The following BAIAP2 variants were observed in gnomAD, a reference collection of about 807,000 sequenced individuals.
BAIAP2 encodes BAR/IMD domain containing adaptor protein 2, also known as BAR/IMD domain-containing adapter protein 2.
BAIAP2 carries 18 observed loss-of-function variants against 63.0 expected under a neutral mutation model. The observed-to-expected ratio is 0.29, with a 90% confidence interval of 0.20 to 0.42. The LOEUF is 0.42. BAIAP2 is among the 10% of genes least tolerant of loss of function. The pLI, the probability that BAIAP2 is intolerant of heterozygous loss-of-function variation, is 1.00. For missense variants in BAIAP2, 610 were observed against 734.3 expected, an observed-to-expected ratio of 0.83 and a Z score of 1.96; for synonymous variants, 386 against 307.6, an observed-to-expected ratio of 1.25 and a Z score of -2.67.
At position 81,117,128 on chromosome 17, in the gene BAIAP2, G is replaced by C. The variant is rs2060569948; in HGVS notation, c.*1289G>C. The C allele has an allele frequency of 6.6e-6, 1 of 152,260 alleles. No individual in the cohort carries two copies. Among genetic ancestry groups the C allele is most frequent in the Non-Finnish European group, 1.5e-5 (1 of 68,070 alleles). The allele number at this position is 152,260 out of a possible 1,614,324, so 9.4% of individuals were successfully genotyped here. The stretch of plus-strand genomic sequence containing the variant: ...TACCCCTGCGCCCCCACACACAGTA[G>C]GGCCAGAACACCATCCCCTCCACCG... On this transcript the variant is annotated 3_prime_UTR_variant, in exon 14 of 14. Coordinates refer to ENST00000428708, the MANE Select transcript of BAIAP2 (RefSeq NM_001144888.2).
intron 6 of BAIAP2, among the ~76,000 whole-genome samples, chr17:81,095,483 G>T (rs2057466911): frequency 6.6e-6 from 1 of 152,190 alleles, no homozygotes; most frequent in Non-Finnish European, 1.5e-5. Context: ...TACAGTCGTG[G>T]CCTCTCTGTA....
chr17:81,113,849 ACTTT>A (rs1470041510), intron 13 of BAIAP2, among the ~76,000 whole-genome samples: 2 of 151,888 alleles, frequency 1.3e-5, no homozygotes, highest in African/African-American at 4.8e-5. Context: ...TTTGCCACTG[ACTTT>A]CTGATGAGAA....
chr17:81,065,660 C>A (rs527831270), intron 3 of BAIAP2, among the ~76,000 whole-genome samples: 5 of 152,244 alleles, frequency 3.3e-5, no homozygotes, highest in Non-Finnish European at 7.3e-5. Flanking sequence ...CTCGCTCCCC[C>A]ACCCGAGGCT....
At chr17:81,062,819 T>C (rs967594212) in intron 3 of BAIAP2, among the ~76,000 whole-genome samples, 14 of 152,172 alleles carry the variant, frequency 9.2e-5, no homozygotes, top group African/African-American at 3.1e-4. Flanking sequence ...ATGCTCTGTG[T>C]TCAGAGTCTG....
At chr17:81,085,553 C>A in intron 4 of BAIAP2, 101 bp from the exon 5 acceptor site, 1 of 966,882 alleles carries the variant, frequency 1.0e-6, no homozygotes, top group Non-Finnish European at 1.6e-6. Context: ...ACAGCCGGGA[C>A]ACCCGGTGTC....
At chr17:81,076,353 A>G (rs1273985309) in intron 3 of BAIAP2, 1 of 152,202 alleles carries the variant, frequency 6.6e-6, no homozygotes, top group Non-Finnish European at 1.5e-5. Context: ...GGCCCCGTCT[A>G]GGTTGTGGAG....
chr17:81,104,348 C>T (rs978428653), intron 9 of BAIAP2, among the ~76,000 whole-genome samples, 166 bp from the exon 10 acceptor site: 1 of 152,220 alleles, frequency 6.6e-6, no homozygotes, highest in African/African-American at 2.4e-5. Context: ...CTCATGCAGG[C>T]AGCAGCCACT....
chr17:81,104,415 G>C, intron 9 of BAIAP2, 99 bp from the exon 10 acceptor site: 1 of 1,327,096 alleles, frequency 7.5e-7, no homozygotes, highest in Non-Finnish European at 1.0e-6. Flanking sequence ...CCCACCTGGG[G>C]CACAGGCGGC....
intron 3 of BAIAP2, among the ~76,000 whole-genome samples, chr17:81,076,771 C>G (rs1471493014): frequency 2.6e-5 from 4 of 152,082 alleles, no homozygotes; most frequent in African/African-American, 9.7e-5. Flanking sequence ...GAGTTCAAGA[C>G]CAGCCTGGGC....
rs562045202 is a variant in BAIAP2, at chr17:81,106,066, C to T, written c.1269-12C>T. ...GGCTGAGCGTGGCTCTTACCTGGGG[C>T]CTCTCTTCCAGGCGGGGCTGGTTTC... On this transcript the variant is annotated splice_polypyrimidine_tract_variant and intron_variant, in intron 10 of 13. Transcript: ENST00000428708. 3.2e-6 allele frequency: 5 copies of T among 1,568,652 alleles called. No individual in the cohort carries two copies. The East Asian group carries it at 7.0e-5, about 22-fold the overall frequency.
intron 1 of BAIAP2, chr17:81,036,877 G>C: frequency 6.5e-7 from 1 of 1,535,930 alleles, no homozygotes; most frequent in East Asian, 2.4e-5. Context: ...TGGAAGAGAA[G>C]TACCAGCGGA....
chr17:81,056,902 C>T (rs1267569655), intron 2 of BAIAP2, among the ~76,000 whole-genome samples: 2 of 152,092 alleles, frequency 1.3e-5, no homozygotes, highest in Admixed American at 6.6e-5. Flanking sequence ...TCTGCTGTTG[C>T]GTTTTTCTGC....
At chr17:81,079,039 T>C (rs1386179530) in intron 3 of BAIAP2, among the ~76,000 whole-genome samples, 1 of 152,108 alleles carries the variant, frequency 6.6e-6, no homozygotes, top group Non-Finnish European at 1.5e-5. Context: ...CTGCTGGGAT[T>C]CCAGAAAGGA....
chr17:81,046,341 C>T lies in BAIAP2; in HGVS notation c.55-7327C>T, dbSNP rs2047802608. On this transcript the variant is annotated intron_variant, in intron 1 of 13. Coordinates refer to ENST00000428708, the MANE Select transcript of BAIAP2 (RefSeq NM_001144888.2). The surrounding 1 kb of genome is among the most constrained non-coding windows in gnomAD (Gnocchi z 4.5). ...CAAGTAAGATGCAGTTCAAGATCTG[C>T]CTCCTCCAGGCAGCCCTCCCAGCTG... 6.6e-6 allele frequency among the ~76,000 whole-genome samples: 1 copy of T among 152,138 alleles called. No individual in the cohort carries two copies. The highest frequency in any genetic ancestry group is 2.1e-4 in the South Asian group (1 of 4,836).
chr17:81,096,500 G>A (rs191994284), intron 6 of BAIAP2, among the ~76,000 whole-genome samples: 13 of 152,368 alleles, frequency 8.5e-5, no homozygotes, highest in South Asian at 2.1e-4. Flanking sequence ...CGGGAGGAGC[G>A]GGGCAGGACC....
intron 2 of BAIAP2, among the ~76,000 whole-genome samples, chr17:81,055,919 G>A (rs1022284014): frequency 1.5e-4 from 23 of 152,186 alleles, no homozygotes; most frequent in South Asian, 1.2e-3. Context: ...AGTGACCCCC[G>A]TCCCCCAGCC....
intron 6 of BAIAP2, chr17:81,097,804 A>G (rs905808767): frequency 1.1e-5 from 3 of 274,004 alleles, no homozygotes; most frequent in Non-Finnish European, 2.0e-5. Flanking sequence ...GCGGCCTCCC[A>G]GGAGGGGCCT....
chr17:81,104,388 C>A, intron 9 of BAIAP2, 126 bp from the exon 10 acceptor site: 1 of 1,090,946 alleles, frequency 9.2e-7, no homozygotes, highest in Non-Finnish European at 1.3e-6. Context: ...CTGCGGAGAG[C>A]TTAGCCAGCC....
chr17:81,078,240 C>T (rs1357466283), intron 3 of BAIAP2, among the ~76,000 whole-genome samples: 2 of 122,854 alleles, frequency 1.6e-5, no homozygotes, highest in Non-Finnish European at 3.5e-5. Context: ...GCTGTGGGTA[C>T]GGGTGCCGTA....
Sources: allele counts gnomAD v4.1 joint callset (sites outside exome capture counted in the v4.1 genomes callset), GRCh38; gene constraint gnomAD v4.1.1; non-coding constraint Gnocchi (gnomAD v3.1); transcripts MANE v1.5; gene names NCBI Gene and HGNC (gene_info 2026-07-23, HGNC 2026-07-21).